Variants in TRAF2 observed in about 807,000 individuals in gnomAD.
The protein encoded by TRAF2 is TNF receptor associated factor 2.
Under a neutral mutation model 55.6 loss-of-function variants are expected in TRAF2, and 6 were observed. The ratio of observed to expected loss-of-function variants is 0.11; its 90% CI spans 0.06 to 0.21. The LOEUF is 0.21. Ranked by LOEUF, TRAF2 falls within the 10% of genes least tolerant of loss-of-function variation. TRAF2 has a pLI of 1.00. For missense variants in TRAF2, 561 were observed against 684.5 expected (o/e 0.82, Z 2.01); for synonymous variants, 329 against 276.3 (o/e 1.19, Z -1.89).
upstream of TRAF2, among the ~76,000 whole-genome samples, chr9:136,884,861 C>A (rs1358039304): frequency 6.6e-6 from 1 of 152,230 alleles, no homozygotes; most frequent in Admixed American, 6.5e-5. Flanking sequence ...CACGTGAACC[C>A]TTTCTCATCC....
intron 7 of TRAF2, among the ~76,000 whole-genome samples, chr9:136,919,228 T>C (rs1320076560): frequency 6.7e-6 from 1 of 150,250 alleles, no homozygotes; most frequent in East Asian, 2.0e-4. Flanking sequence ...GCCCAGCTAA[T>C]TTTTGTAGCT....
upstream of TRAF2, among the ~76,000 whole-genome samples, chr9:136,882,232 G>A (rs1849383281): frequency 6.6e-6 from 1 of 152,248 alleles, no homozygotes. Context: ...AGCATCCACA[G>A]AGCCCTGCTG....
intron 1 of TRAF2, among the ~76,000 whole-genome samples, chr9:136,889,965 C>T (rs17244362): frequency 1.4e-5 from 2 of 146,848 alleles, no homozygotes; most frequent in Non-Finnish European, 3.0e-5. Context: ...CCACCGCACG[C>T]TCGTTCAGCC....
intron 5 of TRAF2, 111 bp downstream of exon 5, chr9:136,908,342 C>T (rs1588432980): frequency 4.0e-6 from 5 of 1,235,276 alleles, no homozygotes; most frequent in Admixed American, 3.0e-5. Flanking sequence ...CGTTCCACCC[C>T]CTCGGCCCTT....
intron 6 of TRAF2, among the ~76,000 whole-genome samples, chr9:136,912,463 CTT>C (rs1424904175): frequency 3.3e-5 from 5 of 152,076 alleles, no homozygotes; most frequent in Non-Finnish European, 5.9e-5. Context: ...CCTGGCCTCT[CTT>C]ATCTTTTTTT....
intron 10 of TRAF2, 131 bp downstream of exon 10, chr9:136,924,131 C>G: frequency 8.8e-7 from 1 of 1,141,906 alleles, no homozygotes; most frequent in East Asian, 2.6e-5. Context: ...GCAGCAGGCA[C>G]GTCACCCTGT....
chr9:136,889,021 CG>C (rs1849516581), intron 1 of TRAF2, among the ~76,000 whole-genome samples: 1 of 151,992 alleles, frequency 6.6e-6, no homozygotes, highest in African/African-American at 2.4e-5. Context: ...CCCGCCACCA[CG>C]CCCAGCTAAT....
At chr9:136,890,488 CT>C (rs1849560055) in intron 1 of TRAF2, 1 of 152,242 alleles carries the variant, frequency 6.6e-6, no homozygotes, top group Non-Finnish European at 1.5e-5. Flanking sequence ...TCAGTTCCTC[CT>C]GCCTCGTGTG....
upstream of TRAF2, chr9:136,882,613 C>A (rs1407767608): frequency 2.4e-5 from 23 of 967,646 alleles, no homozygotes; most frequent in Non-Finnish European, 2.8e-5. Flanking sequence ...GACATACCCT[C>A]CCCCTGCCCC....
chr9:136,887,939 G>C (rs373899757), intron 1 of TRAF2, among the ~76,000 whole-genome samples: 48 of 151,812 alleles, frequency 3.2e-4, no homozygotes, highest in African/African-American at 1.2e-3. Flanking sequence ...GCTCGATCTC[G>C]GCTCACTGCA....
intron 4 of TRAF2, among the ~76,000 whole-genome samples, chr9:136,902,959 GATTTT>G (rs1196157857): frequency 7.0e-6 from 1 of 143,718 alleles, no homozygotes; most frequent in African/African-American, 2.7e-5. Flanking sequence ...GGAACTGAAT[GATTTT>G]ATTTATTTAT....
chr9:136,910,048 C>G, intron 6 of TRAF2, 54 bp downstream of exon 6: 510 of 1,374,056 alleles, frequency 3.7e-4, no homozygotes, highest in Non-Finnish European at 4.7e-4. Context: ...ATGTGTTGGA[C>G]GTGAGGGTCC....
intron 4 of TRAF2, among the ~76,000 whole-genome samples, chr9:136,903,449 C>T (rs188006039): frequency 2.6e-5 from 4 of 152,198 alleles, no homozygotes; most frequent in African/African-American, 7.2e-5. Flanking sequence ...GTATGCTCGG[C>T]CTCATGGACA....
chr9:136,916,527 T>C lies in TRAF2; in HGVS notation c.604-14T>C. On this transcript the variant is annotated splice_polypyrimidine_tract_variant and intron_variant, in intron 6 of 10. Coordinates refer to ENST00000247668, the MANE Select transcript of TRAF2 (RefSeq NM_021138.4). ...AACAGAGAAAGATGGCTCTGTGACG[T>C]CACTCCCTTGTAGTTTCAGGACCAC... 6.2e-7 allele frequency: 1 copy of C among 1,613,772 alleles called. No homozygotes were observed. The highest frequency in any genetic ancestry group is 2.2e-5 in the East Asian group (1 of 44,870).
chr9:136,918,547 C>T (rs1256578087), intron 7 of TRAF2, among the ~76,000 whole-genome samples: 4 of 151,732 alleles, frequency 2.6e-5, no homozygotes, highest in African/African-American at 9.7e-5. Flanking sequence ...GCCTCAGCCT[C>T]CTAAAGTGCT....
chr9:136,910,350 C>T (rs866171743), intron 6 of TRAF2, among the ~76,000 whole-genome samples: 2 of 152,220 alleles, frequency 1.3e-5, no homozygotes, highest in South Asian at 2.1e-4. Flanking sequence ...TGAATGTTTG[C>T]AGCAAGCGGT....
In TRAF2 at chr9:136,911,846, C is replaced by CTTTTTTTTTTT. The variant is rs71492143; in HGVS notation, c.603+1863_603+1873dup. ...GCGTGCTTGGGATTTTCTCTTATCTCTTTTTTTTTTTTTTTTTTTTTGAGA... is the reference window on the plus strand; with the variant it reads ...GCGTGCTTGGGATTTTCTCTTATCTCTTTTTTTTTTTTTTTTTTTTTTTTTTTTTTTTGAGA... On this transcript the variant is annotated intron_variant, in intron 6 of 10. Transcript: ENST00000247668. Among the ~76,000 whole-genome samples the CTTTTTTTTTTT allele has an allele frequency of 3.3e-3, 233 of 71,450 alleles. 31 individuals carry two copies. Among genetic ancestry groups the CTTTTTTTTTTT allele is most frequent in the South Asian group, 7.6e-3 (11 of 1,448 alleles). 46.9% of individuals were successfully genotyped at this position (71,450 alleles called of 152,430 possible).
chr9:136,917,453 G>C (rs1022409393), intron 7 of TRAF2, among the ~76,000 whole-genome samples: 1 of 152,174 alleles, frequency 6.6e-6, no homozygotes, highest in African/African-American at 2.4e-5. Context: ...CCAGCACCTC[G>C]TGTCTTTGTC....
chr9:136,922,199 G>T (rs17250581), intron 9 of TRAF2, among the ~76,000 whole-genome samples: 5,705 of 152,300 alleles, frequency 0.037, 116 homozygotes, highest in Middle Eastern at 0.051. Context: ...TGCTGCCAAG[G>T]CCTTCAGCAG....
Sources: allele counts gnomAD v4.1 joint callset (sites outside exome capture counted in the v4.1 genomes callset), GRCh38; gene constraint gnomAD v4.1.1; transcripts MANE v1.5; gene names NCBI Gene and HGNC (gene_info 2026-07-23, HGNC 2026-07-21).